Variants in TJP1 observed in about 807,000 individuals in gnomAD.
TJP1 encodes the protein tight junction protein ZO-1.
A neutral mutation model predicts 194.2 loss-of-function variants in TJP1; 43 were observed. The observed-to-expected ratio is 0.22, with a 90% CI of 0.17 to 0.29. The LOEUF (loss-of-function observed/expected upper bound fraction) is 0.29. TJP1 is among the 10% of genes least tolerant of loss of function. TJP1 has a pLI of 1.00. For missense variants in TJP1, 1,971 were observed against 2,185.7 expected (o/e 0.90, Z 1.96); for synonymous variants, 801 against 779.0 (o/e 1.03, Z -0.47).
At chr15:29,827,669 C>A (rs2050717712) in intron 2 of TJP1, among the ~76,000 whole-genome samples, 1 of 152,224 alleles carries the variant, frequency 6.6e-6, no homozygotes, top group Admixed American at 6.5e-5. Flanking sequence ...TGATAATTCA[C>A]ATTTTTAATT....
intron 2 of TJP1, among the ~76,000 whole-genome samples, chr15:29,834,140 C>T (rs2050944557): frequency 6.6e-6 from 1 of 151,018 alleles, no homozygotes; most frequent in African/African-American, 2.4e-5. Context: ...CTCGGCTTCC[C>T]AATGTGCTGG....
At chr15:29,773,792 A>T (rs2046840797) in intron 2 of TJP1, among the ~76,000 whole-genome samples, 1 of 152,206 alleles carries the variant, frequency 6.6e-6, no homozygotes, top group African/African-American at 2.4e-5. Context: ...ATCAAGTATT[A>T]GTTATTTCAA....
intron 2 of TJP1, among the ~76,000 whole-genome samples, chr15:29,789,026 G>C (rs1025955997): frequency 1.3e-5 from 2 of 152,216 alleles, no homozygotes; most frequent in East Asian, 3.9e-4. Flanking sequence ...AATTTTGTAA[G>C]ATCAACTCAT....
intron 18 of TJP1, among the ~76,000 whole-genome samples, chr15:29,722,993 T>A (rs1422987234): frequency 2.6e-5 from 4 of 152,228 alleles, no homozygotes; most frequent in Non-Finnish European, 2.9e-5. Context: ...ATTTACCCAA[T>A]GTTTATGTCC....
At chr15:29,732,852 TA>T in intron 13 of TJP1, 37 bp from the exon 14 acceptor site, 1 of 1,535,642 alleles carries the variant, frequency 6.5e-7, no homozygotes. Flanking sequence ...TAAGGGCATT[TA>T]AAATGCAAAA....
chr15:29,739,613 T>C (rs1019041027), intron 10 of TJP1, among the ~76,000 whole-genome samples: 1 of 151,720 alleles, frequency 6.6e-6, no homozygotes, highest in Non-Finnish European at 1.5e-5. Flanking sequence ...CCGGCTAATT[T>C]TTTTGTATTT....
At chr15:29,865,098 A>G (rs1031934048) in intron 2 of TJP1, among the ~76,000 whole-genome samples, 1 of 152,198 alleles carries the variant, frequency 6.6e-6, no homozygotes, top group Non-Finnish European at 1.5e-5. Context: ...AAAATCTACA[A>G]GTGAATTTTA....
intron 2 of TJP1, among the ~76,000 whole-genome samples, chr15:29,890,119 T>C (rs1233687905): frequency 6.6e-6 from 1 of 152,144 alleles, no homozygotes; most frequent in Non-Finnish European, 1.5e-5. Context: ...AGTTCCACCA[T>C]GGGCCAGAGA....
chr15:29,864,814 G>A (rs941841563), intron 2 of TJP1, among the ~76,000 whole-genome samples: 7 of 152,052 alleles, frequency 4.6e-5, no homozygotes, highest in East Asian at 1.9e-4. Context: ...TACTTGGCAC[G>A]CTTTTTTCTT....
chr15:29,789,299 G>A (rs1206867106), intron 2 of TJP1, among the ~76,000 whole-genome samples: 1 of 152,120 alleles, frequency 6.6e-6, no homozygotes, highest in Non-Finnish European at 1.5e-5. Context: ...GCACTAAGGA[G>A]ATAGAAAACG....
chr15:29,728,219 A>G, intron 15 of TJP1, 200 bp from the exon 16 acceptor site: 1 of 452,088 alleles, frequency 2.2e-6, no homozygotes, highest in Non-Finnish European at 3.9e-6. Flanking sequence ...AACTACTTTA[A>G]TATTCTGGAA....
chr15:29,865,300 TG>T (rs570357190), intron 2 of TJP1, among the ~76,000 whole-genome samples: 261 of 152,332 alleles, frequency 1.7e-3, no homozygotes, highest in Non-Finnish European at 2.5e-3. Flanking sequence ...CCTAAGAGCA[TG>T]GGGAATGCAG....
chr15:29,819,289 T>G (rs2050161674), intron 1 of TJP1, among the ~76,000 whole-genome samples: 2 of 152,198 alleles, frequency 1.3e-5, no homozygotes, highest in African/African-American at 4.8e-5. Flanking sequence ...CTTTCTCCAA[T>G]AGTCTACAAT....
At chr15:29,874,558 TTGTC>T (rs2052633877) in intron 2 of TJP1, among the ~76,000 whole-genome samples, 1 of 152,180 alleles carries the variant, frequency 6.6e-6, no homozygotes, top group Non-Finnish European at 1.5e-5. Context: ...CAGCAAGTTG[TTGTC>T]TATGTTCTCT....
At chr15:29,727,810 C>T (rs1389528826) in intron 16 of TJP1, 127 bp downstream of exon 16, 9 of 690,244 alleles carry the variant, frequency 1.3e-5, no homozygotes, top group Non-Finnish European at 2.2e-5. Flanking sequence ...TCAGTAAGGG[C>T]TTAATTTTCT....
At chr15:29,909,746 C>T (rs1040789081) in intron 2 of TJP1, among the ~76,000 whole-genome samples, 1 of 151,846 alleles carries the variant, frequency 6.6e-6, no homozygotes, top group African/African-American at 2.4e-5. Context: ...TTGAGGTGAG[C>T]GGGGCATCCT....
chr15:29,720,764 C>T (rs1228016738), intron 18 of TJP1, 56 bp from the exon 19 acceptor site: 24 of 1,356,008 alleles, frequency 1.8e-5, no homozygotes, highest in African/African-American at 1.7e-4. Flanking sequence ...TAAGAGATGG[C>T]CTTTATCGTA....
chr15:29,840,060 G>T (rs1221192180), intron 2 of TJP1, among the ~76,000 whole-genome samples: 1 of 152,228 alleles, frequency 6.6e-6, no homozygotes, highest in African/African-American at 2.4e-5. Context: ...TTGATGAGGT[G>T]TGTGTGTCTT....
At chr15:29,855,858 AG>A (rs2051829225) in intron 2 of TJP1, among the ~76,000 whole-genome samples, 1 of 152,190 alleles carries the variant, frequency 6.6e-6, no homozygotes, top group Admixed American at 6.5e-5. Context: ...TCCATCTCAA[AG>A]AAAAAAAAAA....
Sources: allele counts gnomAD v4.1 joint callset (sites outside exome capture counted in the v4.1 genomes callset), GRCh38; gene constraint gnomAD v4.1.1; transcripts MANE v1.5; gene names NCBI Gene and HGNC (gene_info 2026-07-23, HGNC 2026-07-21).